ASB7: variants seen among roughly 807,000 people sequenced by gnomAD.
ASB7 encodes ankyrin repeat and SOCS box protein 7.
ASB7 carries 4 observed loss-of-function variants against 32.5 expected under a neutral mutation model. The ratio of observed to expected loss-of-function variants is 0.12; its 90% CI spans 0.06 to 0.28. The LOEUF (loss-of-function observed/expected upper bound fraction) is 0.28. Among genes scored for constraint, ASB7 ranks in the 10% least tolerant of loss-of-function variants. ASB7 has a pLI of 1.00. For missense variants in ASB7, 181 were observed against 407.1 expected, an observed-to-expected ratio of 0.44 and a Z score of 4.78; for synonymous variants, 172 against 155.6, an observed-to-expected ratio of 1.11 and a Z score of -0.78.
intron 5 of ASB7, among the ~76,000 whole-genome samples, chr15:100,631,419 G>A (rs571469650): frequency 1.1e-4 from 17 of 152,286 alleles, no homozygotes; most frequent in African/African-American, 3.9e-4. Flanking sequence ...TGACTGGTGG[G>A]TGTTCCATTG....
chr15:100,614,812 T>C (rs1000774393), intron 4 of ASB7, among the ~76,000 whole-genome samples: 6 of 151,430 alleles, frequency 4.0e-5, no homozygotes, highest in African/African-American at 1.2e-4. Context: ...TGTGTTAGGC[T>C]GTATTCAAAG....
At chr15:100,632,264 C>T (rs1191920491) in intron 5 of ASB7, among the ~76,000 whole-genome samples, 2 of 152,180 alleles carry the variant, frequency 1.3e-5, no homozygotes, top group African/African-American at 2.4e-5. Context: ...CTGCGCACAG[C>T]GAGGGGTGGG....
intron 1 of ASB7, 82 bp downstream of exon 1, chr15:100,603,128 G>C (rs1386935885): frequency 5.0e-6 from 2 of 397,576 alleles, no homozygotes; most frequent in Non-Finnish European, 8.9e-6. Flanking sequence ...TTTCTTGCCT[G>C]CCCTTGCCAC....
At chr15:100,615,067 A>G (rs181207771) in intron 4 of ASB7, among the ~76,000 whole-genome samples, 2 of 152,320 alleles carry the variant, frequency 1.3e-5, no homozygotes, top group Admixed American at 6.5e-5. Context: ...TATTCAGTAC[A>G]GTAACATGCT....
At chr15:100,637,010 C>G (rs897211149) in intron 5 of ASB7, among the ~76,000 whole-genome samples, 2 of 152,224 alleles carry the variant, frequency 1.3e-5, no homozygotes, top group Non-Finnish European at 2.9e-5. Flanking sequence ...CAGACACTCT[C>G]AGGAAAAGAC....
intron 5 of ASB7, among the ~76,000 whole-genome samples, chr15:100,632,081 A>G (rs1024456771): frequency 7.2e-5 from 11 of 152,226 alleles, no homozygotes; most frequent in African/African-American, 1.9e-4. Flanking sequence ...AGCTGCCCCT[A>G]GCAGTGCTGT....
intron 4 of ASB7, among the ~76,000 whole-genome samples, chr15:100,624,166 G>A (rs904904428): frequency 2.0e-5 from 3 of 152,204 alleles, no homozygotes; most frequent in Non-Finnish European, 4.4e-5. Context: ...TATGTTGGTG[G>A]TAGGAGGAGA....
intron 4 of ASB7, among the ~76,000 whole-genome samples, chr15:100,620,096 G>A (rs2039778348): frequency 6.6e-6 from 1 of 152,174 alleles, no homozygotes; most frequent in Admixed American, 6.5e-5. Flanking sequence ...ATGTACAGGG[G>A]ATTGGTTCCA....
At position 100,629,119 on chromosome 15, in the gene ASB7, T is replaced by C. The variant is rs2039864824; in HGVS notation, c.212-318T>C. Among the ~76,000 whole-genome samples, 2 of 151,414 alleles carry C rather than the reference T, an allele frequency of 1.3e-5. No individual in the cohort carries two copies. The highest frequency in any genetic ancestry group is 4.2e-4 in the South Asian group (2 of 4,768). On this transcript the variant is annotated intron_variant, in intron 4 of 5. Coordinates refer to ENST00000332783, the MANE Select transcript of ASB7 (RefSeq NM_198243.3). This position sits in a 1 kb window ranked among gnomAD's most constrained non-coding sequence, Gnocchi z 6.8. ...ATGAAACAGTGCAGAGATGAAGGAG[T>C]TGAGTAGCCAGAGGCAGTTGGTTAA...
At chr15:100,645,837 A>G (rs1370036399) in intron 5 of ASB7, 2 of 1,144,156 alleles carry the variant, frequency 1.7e-6, no homozygotes, top group African/African-American at 1.5e-5. Context: ...CCCACACGCT[A>G]ATTTCATGGT....
At chr15:100,641,008 A>G (rs535827126) in intron 5 of ASB7, among the ~76,000 whole-genome samples, 2 of 152,298 alleles carry the variant, frequency 1.3e-5, no homozygotes, top group Admixed American at 1.3e-4. Flanking sequence ...AAGGGTTTGT[A>G]ATTCTTTAAA....
chr15:100,627,369 G>A (rs58238986), intron 4 of ASB7, among the ~76,000 whole-genome samples: 387 of 152,296 alleles, frequency 2.5e-3, no homozygotes, highest in African/African-American at 8.4e-3. Context: ...ATGTTTTCAC[G>A]TCTTGTCCAT....
intron 4 of ASB7, among the ~76,000 whole-genome samples, chr15:100,626,659 C>T (rs28767560): frequency 6.6e-6 from 1 of 152,098 alleles, no homozygotes; most frequent in Non-Finnish European, 1.5e-5. Flanking sequence ...CTGTCTCTCT[C>T]TCATATATTA....
chr15:100,608,047 G>A (rs1229405879), intron 2 of ASB7, among the ~76,000 whole-genome samples: 1 of 152,172 alleles, frequency 6.6e-6, no homozygotes. Context: ...GTTGGGTCAT[G>A]TTTACTTCTT....
At chr15:100,647,254 C>G (rs1466277960) in intron 5 of ASB7, among the ~76,000 whole-genome samples, 1 of 152,082 alleles carries the variant, frequency 6.6e-6, no homozygotes, top group Non-Finnish European at 1.5e-5. Flanking sequence ...TTGAGAATGA[C>G]TGAAAAATGG....
intron 5 of ASB7, among the ~76,000 whole-genome samples, chr15:100,638,849 A>G: frequency 6.7e-6 from 1 of 148,792 alleles, no homozygotes; most frequent in Non-Finnish European, 1.5e-5. Flanking sequence ...CTTGTCCCCC[A>G]CTCTCCCACA....
chr15:100,646,227 G>C, intron 5 of ASB7: 1 of 402,000 alleles, frequency 2.5e-6, no homozygotes, highest in Non-Finnish European at 5.0e-6. Flanking sequence ...GGCCACATCT[G>C]TTAACAATAT....
chr15:100,647,633 G>T (rs367736351), intron 5 of ASB7, among the ~76,000 whole-genome samples: 1 of 152,158 alleles, frequency 6.6e-6, no homozygotes, highest in Non-Finnish European at 1.5e-5. Context: ...GGGTGTGGAA[G>T]CTTGAAGCGA....
chr15:100,640,225 A>G (rs540925442), intron 5 of ASB7, among the ~76,000 whole-genome samples: 10 of 152,158 alleles, frequency 6.6e-5, no homozygotes, highest in East Asian at 1.9e-4. Flanking sequence ...GCTCACTGCA[A>G]CCTCTGCCTA....
Sources: gnomAD v4.1 joint callset for allele counts (sites outside exome capture counted in the v4.1 genomes callset) on GRCh38, gnomAD v4.1.1 for gene constraint, Gnocchi (gnomAD v3.1) non-coding constraint, MANE v1.5 for transcripts, NCBI Gene and HGNC (gene_info 2026-07-23, HGNC 2026-07-21) for gene names.